ZSWIM5: variants seen among roughly 807,000 people sequenced by gnomAD.
The protein encoded by ZSWIM5 is zinc finger SWIM domain-containing protein 5.
A neutral mutation model predicts 119.6 loss-of-function variants in ZSWIM5; 55 were observed. That is an observed-to-expected ratio of 0.46 (90% CI 0.37 to 0.58). ZSWIM5 has a LOEUF of 0.58. ZSWIM5 is among the 20% of genes least tolerant of loss of function. The pLI is 0.00. For synonymous variants in ZSWIM5, 537 were observed against 606.9 expected (o/e 0.88, Z 1.69); for missense variants, 1,193 against 1,512.8 (o/e 0.79, Z 3.51).
intron 2 of ZSWIM5, among the ~76,000 whole-genome samples, chr1:45,070,801 T>C (rs994336198): frequency 1.3e-5 from 2 of 152,192 alleles, no homozygotes; most frequent in Admixed American, 6.5e-5. Context: ...CTACATTGGC[T>C]CCTCTTTCAT....
At chr1:45,149,482 G>A (rs1026604923) in intron 1 of ZSWIM5, among the ~76,000 whole-genome samples, 1 of 152,116 alleles carries the variant, frequency 6.6e-6, no homozygotes, top group Non-Finnish European at 1.5e-5. Flanking sequence ...ATAACTGATG[G>A]ATGAAAGTAA....
At chr1:45,021,417 C>T (rs1319199104) in intron 11 of ZSWIM5, among the ~76,000 whole-genome samples, 1 of 152,188 alleles carries the variant, frequency 6.6e-6, no homozygotes, top group African/African-American at 2.4e-5. Context: ...CTGCTTCTCA[C>T]TACAGCACCC....
At chr1:45,205,690 G>T in intron 1 of ZSWIM5, 66 bp downstream of exon 1, 1 of 1,408,528 alleles carries the variant, frequency 7.1e-7, no homozygotes, top group Non-Finnish European at 9.4e-7. Flanking sequence ...CCCAGGGCTC[G>T]GGCCGAGAAG....
At chr1:45,067,035 G>T (rs1645187929) in intron 2 of ZSWIM5, among the ~76,000 whole-genome samples, 1 of 152,148 alleles carries the variant, frequency 6.6e-6, no homozygotes, top group African/African-American at 2.4e-5. Flanking sequence ...AAATAAATTT[G>T]GGGAAGAAGA....
intron 1 of ZSWIM5, among the ~76,000 whole-genome samples, chr1:45,141,891 C>G (rs538173752): frequency 6.6e-6 from 1 of 152,006 alleles, no homozygotes; most frequent in African/African-American, 2.4e-5. Flanking sequence ...ACTAGCTGAC[C>G]CTTTTATTAT....
chr1:45,200,251 C>T (rs558677310), intron 1 of ZSWIM5, among the ~76,000 whole-genome samples: 9 of 152,078 alleles, frequency 5.9e-5, no homozygotes, highest in African/African-American at 1.7e-4. Context: ...CAAAAACTAT[C>T]GCAGAGTAAT....
intron 1 of ZSWIM5, among the ~76,000 whole-genome samples, chr1:45,179,939 G>A (rs1156337455): frequency 2.0e-5 from 3 of 147,078 alleles, no homozygotes; most frequent in African/African-American, 7.6e-5. Flanking sequence ...AAAATGATAT[G>A]GTATAGGGAG....
At chr1:45,126,210 T>A (rs28872174) in intron 1 of ZSWIM5, among the ~76,000 whole-genome samples, 6 of 136,836 alleles carry the variant, frequency 4.4e-5, no homozygotes, top group African/African-American at 8.2e-5. Context: ...AAGAAATCCA[T>A]GAAACTGAAA....
At chr1:45,096,045 T>C (rs1238120043) in intron 1 of ZSWIM5, among the ~76,000 whole-genome samples, 1 of 152,216 alleles carries the variant, frequency 6.6e-6, no homozygotes, top group South Asian at 2.1e-4. Context: ...ATCTTTGTGA[T>C]ACTCCTTCAT....
At chr1:45,171,414 T>C (rs143658028) in intron 1 of ZSWIM5, among the ~76,000 whole-genome samples, 2 of 152,148 alleles carry the variant, frequency 1.3e-5, no homozygotes, top group African/African-American at 4.8e-5. Flanking sequence ...AGAAAATCAA[T>C]TGAATTTGAA....
intron 6 of ZSWIM5, among the ~76,000 whole-genome samples, chr1:45,041,360 C>T (rs1344680340): frequency 2.0e-5 from 3 of 152,024 alleles, no homozygotes; most frequent in African/African-American, 7.2e-5. Flanking sequence ...CAAAGACTTA[C>T]AAATAGGTGA....
chr1:45,200,229 T>C (rs563837697), intron 1 of ZSWIM5, among the ~76,000 whole-genome samples: 1 of 152,302 alleles, frequency 6.6e-6, no homozygotes, highest in East Asian at 1.9e-4. Flanking sequence ...ATCAGTTGAC[T>C]ATATATGATT....
At chr1:45,161,598 A>AT (rs1198344528) in intron 1 of ZSWIM5, among the ~76,000 whole-genome samples, 1 of 151,766 alleles carries the variant, frequency 6.6e-6, no homozygotes, top group Admixed American at 6.6e-5. Flanking sequence ...CTCCCCCCAC[A>AT]TTTTTTTTGG....
chr1:45,066,106 T>C (rs1391381961), intron 2 of ZSWIM5, among the ~76,000 whole-genome samples: 2 of 145,006 alleles, frequency 1.4e-5, no homozygotes, highest in Non-Finnish European at 3.0e-5. Context: ...AGTGAGAACA[T>C]GTGGTGTTTG....
chr1:45,142,721 T>A (rs1645734634), intron 1 of ZSWIM5, among the ~76,000 whole-genome samples: 1 of 151,942 alleles, frequency 6.6e-6, no homozygotes, highest in Non-Finnish European at 1.5e-5. Flanking sequence ...GGCAAATTCT[T>A]CCAAATATTT....
At chr1:45,081,207 T>C (rs576024870) in intron 2 of ZSWIM5, among the ~76,000 whole-genome samples, 8 of 152,210 alleles carry the variant, frequency 5.3e-5, no homozygotes, top group Admixed American at 1.3e-4. Flanking sequence ...CAGGTCCATA[T>C]ATTCAACTGT....
At chr1:45,141,531 C>T (rs1015499753) in intron 1 of ZSWIM5, among the ~76,000 whole-genome samples, 7 of 152,118 alleles carry the variant, frequency 4.6e-5, no homozygotes, top group Non-Finnish European at 8.8e-5. Context: ...GCCATAGCAG[C>T]CAGGTTGAAA....
At chr1:45,138,876 GTTTTTC>G (rs893139089) in intron 1 of ZSWIM5, among the ~76,000 whole-genome samples, 29 of 150,724 alleles carry the variant, frequency 1.9e-4, no homozygotes, top group South Asian at 1.9e-3. Context: ...TAGAAATTTC[GTTTTTC>G]TTTTTCTTTT....
rs114385867 is a variant in ZSWIM5 at position 45,194,911 on chromosome 1, C to G, written c.595+10845G>C. Among the ~76,000 whole-genome samples, 351 of 151,834 alleles carry G rather than the reference C, an allele frequency of 2.3e-3. 4 individuals are homozygous for G. Among genetic ancestry groups the G allele is most frequent in the African/African-American group, 8.3e-3 (342 of 41,422 alleles). ...AAAAGAGGTTAATCTAACTTGTAAGCAGTAAAGTGTTTTCAATCTTTATTG... is the reference window on the plus strand; with the variant it reads ...AAAAGAGGTTAATCTAACTTGTAAGGAGTAAAGTGTTTTCAATCTTTATTG... On this transcript the variant is annotated intron_variant, in intron 1 of 13. Coordinates refer to ENST00000359600, the MANE Select transcript of ZSWIM5 (RefSeq NM_020883.2).
Sources: allele counts gnomAD v4.1 joint callset (sites outside exome capture counted in the v4.1 genomes callset), GRCh38; gene constraint gnomAD v4.1.1; transcripts MANE v1.5; gene names NCBI Gene and HGNC (gene_info 2026-07-23, HGNC 2026-07-21).